YWHAE: variants seen among roughly 807,000 people sequenced by gnomAD.
YWHAE encodes the protein tyrosine 3-monooxygenase/tryptophan 5-monooxygenase activation protein epsilon.
Under a neutral mutation model 30.1 loss-of-function variants are expected in YWHAE, and 4 were observed. The observed-to-expected ratio is 0.13, with a 90% CI of 0.07 to 0.30. YWHAE has a LOEUF of 0.30. YWHAE is among the 10% of genes least tolerant of loss of function. The pLI is 1.00. For missense variants in YWHAE, 121 were observed against 315.9 expected (o/e 0.38, Z 4.68); for synonymous variants, 118 against 111.8 (o/e 1.06, Z -0.35).
intron 1 of YWHAE, among the ~76,000 whole-genome samples, chr17:1,393,468 T>G (rs2073419383): frequency 6.6e-6 from 1 of 152,226 alleles, no homozygotes; most frequent in African/African-American, 2.4e-5. Flanking sequence ...TCTCCCTCTG[T>G]GGCCCAGACT....
intron 1 of YWHAE, among the ~76,000 whole-genome samples, chr17:1,395,827 G>A (rs2073462279): frequency 6.6e-6 from 1 of 152,134 alleles, no homozygotes; most frequent in Admixed American, 6.5e-5. Context: ...TGTTTTAAAA[G>A]GACAGCTCTC....
At chr17:1,345,680 G>A (rs2150833541) in intron 5 of YWHAE, among the ~76,000 whole-genome samples, 181 bp from the exon 6 acceptor site, 1 of 152,188 alleles carries the variant, frequency 6.6e-6, no homozygotes, top group East Asian at 1.9e-4. Context: ...AAGGGATTAT[G>A]GTCCTGAAAG....
At chr17:1,357,840 T>C (rs1009762262) in intron 4 of YWHAE, among the ~76,000 whole-genome samples, 2 of 150,406 alleles carry the variant, frequency 1.3e-5, no homozygotes, top group Non-Finnish European at 2.9e-5. Flanking sequence ...AGCAGGAGAA[T>C]CGCTTGAAAC....
In YWHAE at chr17:1,359,812, T is replaced by TTTGTGTGTGTGTG. The variant is rs1246096572; in HGVS notation, c.578+1279_578+1280insCACACACACACAA. Among the ~76,000 whole-genome samples the TTTGTGTGTGTGTG allele has an allele frequency of 3.1e-5, 4 of 130,718 alleles. No individual in the cohort carries two copies. The East Asian group carries it at 7.1e-4, about 23-fold the overall frequency. 85.8% of individuals were successfully genotyped at this position (130,718 alleles called of 152,430 possible). On this transcript the variant is annotated intron_variant, in intron 4 of 5. Coordinates refer to ENST00000264335, the MANE Select transcript of YWHAE (RefSeq NM_006761.5). ...CAATGTATTCGGTGCCACTAAATTG[T>TTTGTGTGTGTGTG]TGTGTGTGTGTGTGTGTGTGTGTGT... is the stretch of plus-strand genomic sequence containing the variant.
chr17:1,354,723 C>T (rs1219251299), intron 4 of YWHAE, among the ~76,000 whole-genome samples: 2 of 152,074 alleles, frequency 1.3e-5, no homozygotes, highest in Non-Finnish European at 2.9e-5. Flanking sequence ...AGTGCAGTGG[C>T]GTGATCTCGG....
intron 4 of YWHAE, 26 bp from the exon 5 acceptor site, chr17:1,354,373 A>T: frequency 6.2e-7 from 1 of 1,602,054 alleles, no homozygotes; most frequent in Non-Finnish European, 8.5e-7. Flanking sequence ...TAGAAGTGTT[A>T]TAAAAATTAA....
Position 1,379,049 on chromosome 17 carries a change from C to T in YWHAE, c.65-13991G>A, listed in dbSNP as rs183826984. On this transcript the variant is annotated intron_variant, in intron 1 of 5. Transcript: ENST00000264335. ...ATACTGGTTTTTAAACATTAAATCT[C>T]TGCCCAAATTTGGCAATTTTAATTT... Among the ~76,000 whole-genome samples, 18 of 152,194 alleles carry T rather than the reference C, an allele frequency of 1.2e-4. No individual in the cohort carries two copies. The East Asian group carries it at 3.5e-3, about 29-fold the overall frequency.
chr17:1,394,219 T>C (rs182867662), intron 1 of YWHAE, among the ~76,000 whole-genome samples: 13 of 151,972 alleles, frequency 8.6e-5, no homozygotes, highest in Non-Finnish European at 1.8e-4. Flanking sequence ...AACCAGAAAA[T>C]GGGAGTAACG....
At chr17:1,369,367 G>A (rs909522626) in intron 1 of YWHAE, among the ~76,000 whole-genome samples, 8 of 152,032 alleles carry the variant, frequency 5.3e-5, no homozygotes, top group Admixed American at 2.0e-4. Context: ...GGTGGCAGGC[G>A]CCTGTAGTCC....
At position 1,361,949 on chromosome 17, in the gene YWHAE, G is replaced by A. The variant is rs1461061376; in HGVS notation, c.324C>T (p.Leu108=). 3 of 1,608,898 alleles carry A rather than the reference G, an allele frequency of 1.9e-6. No individual in the cohort carries two copies. Among genetic ancestry groups the A allele is most frequent in the Admixed American group, 3.4e-5 (2 of 58,716 alleles). ...ACTCGCCAGTGTTAGCTGCTGGAATGAGGTGTTTGTCCAGTACATCCAGAA... is the reference window on the plus strand; with the variant it reads ...ACTCGCCAGTGTTAGCTGCTGGAATAAGGTGTTTGTCCAGTACATCCAGAA... The part of the protein sequence containing the change: ...CDILDVLDKH[L]IPAANTGESK... Residue 108 remains leucine (L), a synonymous_variant, in exon 3 of 6, where the codon CTC becomes CTT. Transcript: ENST00000264335.
chr17:1,362,010 T>C lies in YWHAE; in HGVS notation c.265-2A>G. On this transcript the variant is annotated splice_acceptor_variant, in intron 2 of 5. Coordinates refer to ENST00000264335, the MANE Select transcript of YWHAE (RefSeq NM_006761.5). LOFTEE classifies it high-confidence loss of function. ...GATTAACTTTAGCTCAGTCTCAACCTAAAAAAAAAAAAATTTTTTTTAAAT... is the reference window on the plus strand; with the variant it reads ...GATTAACTTTAGCTCAGTCTCAACCCAAAAAAAAAAAAATTTTTTTTAAAT... 1 of 1,184,800 alleles carries C rather than the reference T, an allele frequency of 8.4e-7. No homozygotes were observed. The highest frequency in any genetic ancestry group is 1.1e-6 in the Non-Finnish European group (1 of 872,358). The allele number at this position is 1,184,800 out of a possible 1,614,324, so 73.4% of individuals were successfully genotyped here. A position where few individuals can be genotyped will look rare whatever the true frequency, so the allele number is the denominator to read the frequency against.
At chr17:1,378,003 C>T (rs574991851) in intron 1 of YWHAE, among the ~76,000 whole-genome samples, 2 of 152,240 alleles carry the variant, frequency 1.3e-5, no homozygotes, top group African/African-American at 2.4e-5. Context: ...GAGCCAAGAT[C>T]GCGTCACTGC....
In YWHAE at chr17:1,390,980, GTA is replaced by G. The variant is rs2073381311; in HGVS notation, c.64+9065_64+9066del. Among the ~76,000 whole-genome samples the G allele has an allele frequency of 3.3e-5, 5 of 152,258 alleles. No homozygotes were observed. In the East Asian group the frequency reaches 9.6e-4, roughly 29 times the overall value. On this transcript the variant is annotated intron_variant, in intron 1 of 5. Transcript: ENST00000264335. ...GGTGAGCCTTTAAATTTTTATGTGG[GTA>G]TTTGGTATGAAAGACACTTGTAAAA...
intron 1 of YWHAE, among the ~76,000 whole-genome samples, chr17:1,394,457 A>AAAAAC (rs1567987880): frequency 6.7e-6 from 1 of 149,308 alleles, no homozygotes; most frequent in African/African-American, 2.5e-5. Context: ...AAAAAAAAAA[A>AAAAAC]AAAACACAAA....
intron 1 of YWHAE, among the ~76,000 whole-genome samples, chr17:1,389,515 A>G (rs1236487791): frequency 6.6e-6 from 1 of 151,722 alleles, no homozygotes; most frequent in East Asian, 1.9e-4. Context: ...ACATTTAACA[A>G]TGATTTACGT....
At chr17:1,360,465 T>A (rs78636432) in intron 4 of YWHAE, among the ~76,000 whole-genome samples, 1 of 152,168 alleles carries the variant, frequency 6.6e-6, no homozygotes, top group South Asian at 2.1e-4. Context: ...AACATGCCCA[T>A]AGAAACAGAA....
intron 1 of YWHAE, among the ~76,000 whole-genome samples, chr17:1,372,801 A>T (rs1285487366): frequency 6.6e-6 from 1 of 152,052 alleles, no homozygotes; most frequent in African/African-American, 2.4e-5. Flanking sequence ...AAAAATACAA[A>T]AACTAGCCAG....
intron 1 of YWHAE, among the ~76,000 whole-genome samples, chr17:1,365,661 A>C (rs2072930639): frequency 6.6e-6 from 1 of 152,192 alleles, no homozygotes; most frequent in Non-Finnish European, 1.5e-5. Flanking sequence ...TACCGCAAGC[A>C]TAGGGAAACA....
intron 1 of YWHAE, among the ~76,000 whole-genome samples, chr17:1,368,308 G>A (rs2072977369): frequency 1.3e-5 from 2 of 151,922 alleles, no homozygotes; most frequent in South Asian, 4.1e-4. Context: ...CTCGGGAGGC[G>A]GAGGTTGCAC....
Sources: allele counts gnomAD v4.1 joint callset (sites outside exome capture counted in the v4.1 genomes callset), GRCh38; gene constraint gnomAD v4.1.1; transcripts MANE v1.5; gene names NCBI Gene and HGNC (gene_info 2026-07-23, HGNC 2026-07-21).